BBS9: variants seen among roughly 807,000 people sequenced by gnomAD.
The protein encoded by BBS9 is protein PTHB1.
BBS9 carries 89 observed loss-of-function variants against 117.7 expected under a neutral mutation model. The observed-to-expected ratio is 0.76, with a 90% confidence interval of 0.64 to 0.90. BBS9 has a LOEUF of 0.90. Ranked by LOEUF, BBS9 falls within the 40% of genes least tolerant of loss-of-function variation. The probability of loss-of-function intolerance (pLI) is 0.00; values close to 1 mark genes in which losing one functional copy is unlikely to be tolerated. For synonymous variants in BBS9, 379 were observed against 370.9 expected (o/e 1.02, Z -0.25); for missense variants, 982 against 1,042.2 (o/e 0.94, Z 0.80).
At chr7:33,417,431 C>G (rs1832186706) in intron 19 of BBS9, among the ~76,000 whole-genome samples, 1 of 152,220 alleles carries the variant, frequency 6.6e-6, no homozygotes, top group African/African-American at 2.4e-5. Context: ...GGCATTGCAA[C>G]TGACCTTAGT....
chr7:33,319,184 T>C (rs1811174484), intron 9 of BBS9, among the ~76,000 whole-genome samples: 1 of 150,454 alleles, frequency 6.6e-6, no homozygotes, highest in South Asian at 2.1e-4. Flanking sequence ...AAAAGAATAA[T>C]AGTCTCTAGT....
At chr7:33,537,026 T>C (rs1028332325) in intron 21 of BBS9, among the ~76,000 whole-genome samples, 14 of 152,054 alleles carry the variant, frequency 9.2e-5, no homozygotes, top group Non-Finnish European at 4.4e-5. Context: ...AAAAGTTTTT[T>C]TTGCAGAGAT....
At chr7:33,212,705 G>A (rs1583653271) in intron 5 of BBS9, among the ~76,000 whole-genome samples, 1 of 152,278 alleles carries the variant, frequency 6.6e-6, no homozygotes, top group Admixed American at 6.5e-5. Context: ...AGGCTTTCAG[G>A]TATTCAGAGG....
chr7:33,589,240 A>G (rs969741832), intron 21 of BBS9, among the ~76,000 whole-genome samples: 1 of 152,164 alleles, frequency 6.6e-6, no homozygotes, highest in African/African-American at 2.4e-5. Context: ...TTCCTATACA[A>G]TAACAGGCAG....
At chr7:33,285,543 C>T (rs1039427220) in intron 9 of BBS9, among the ~76,000 whole-genome samples, 10 of 152,104 alleles carry the variant, frequency 6.6e-5, no homozygotes, top group African/African-American at 1.9e-4. Context: ...TGATGGTCAT[C>T]GTTACATGCA....
intron 9 of BBS9, among the ~76,000 whole-genome samples, chr7:33,295,282 A>G (rs1404958443): frequency 1.3e-5 from 2 of 152,094 alleles, no homozygotes; most frequent in African/African-American, 4.8e-5. Flanking sequence ...AATGGTATTT[A>G]TACACAATTT....
In BBS9 at chr7:33,543,309, GT is replaced by G. The variant is rs57654727; in HGVS notation, c.2521+9143del. On this transcript the variant is annotated intron_variant, in intron 21 of 22. Coordinates refer to ENST00000242067, the MANE Select transcript of BBS9 (RefSeq NM_198428.3). ...CCTTAGCCCACTTTTTGATGGGATT[GT>G]TTTTTTTTTCTTAATGATTTGAGTT... Among the ~76,000 whole-genome samples, 5 of 148,066 alleles carry G rather than the reference GT, an allele frequency of 3.4e-5. No homozygotes were observed. The South Asian group carries it at 6.4e-4, about 19-fold the overall frequency.
chr7:33,199,047 C>G (rs1273628201), intron 5 of BBS9, among the ~76,000 whole-genome samples: 8 of 151,938 alleles, frequency 5.3e-5, no homozygotes, highest in Admixed American at 2.0e-4. Flanking sequence ...TTAGGCTATT[C>G]TTGAATTGAT....
At chr7:33,318,392 C>T (rs1035087461) in intron 9 of BBS9, among the ~76,000 whole-genome samples, 4 of 152,014 alleles carry the variant, frequency 2.6e-5, no homozygotes, top group South Asian at 2.1e-4. Flanking sequence ...TCCTCCTTTC[C>T]CAAGTCTCTC....
chr7:33,418,848 C>T (rs761909903), intron 19 of BBS9, among the ~76,000 whole-genome samples: 69 of 152,182 alleles, frequency 4.5e-4, no homozygotes, highest in Non-Finnish European at 8.5e-4. Flanking sequence ...ACACACAAAA[C>T]ATGCCAATCA....
intron 21 of BBS9, among the ~76,000 whole-genome samples, chr7:33,540,232 G>A (rs964077496): frequency 6.6e-6 from 1 of 152,304 alleles, no homozygotes; most frequent in Admixed American, 6.5e-5. Context: ...ACCATTTGGA[G>A]AGAAGAAATA....
rs36106860 is a variant in BBS9 at position 33,311,816 on chromosome 7, CAA to C, written c.1017-24614_1017-24613del. On this transcript the variant is annotated intron_variant, in intron 9 of 22. Coordinates refer to ENST00000242067, the MANE Select transcript of BBS9 (RefSeq NM_198428.3). ...TGGGCAACAGAGTGAGACTCCATCT[CAA>C]AAAAAAAAAAGTGTCTATATATTAA... Among the ~76,000 whole-genome samples the C allele has an allele frequency of 1.6e-3, 230 of 143,232 alleles. 1 individual carries two copies. The highest frequency in any genetic ancestry group is 5.6e-3 in the African/African-American group (219 of 39,020). The allele number at this position is 143,232 out of a possible 152,430, so 94.0% of individuals were successfully genotyped here.
intron 4 of BBS9, among the ~76,000 whole-genome samples, chr7:33,165,942 T>C (rs1795612592): frequency 1.3e-5 from 2 of 152,210 alleles, no homozygotes; most frequent in Admixed American, 6.5e-5. Flanking sequence ...TTTCAGCTTT[T>C]CTGCTCTGGT....
intron 5 of BBS9, among the ~76,000 whole-genome samples, chr7:33,186,943 G>C (rs1783234865): frequency 6.6e-6 from 1 of 152,138 alleles, no homozygotes; most frequent in Admixed American, 6.5e-5. Context: ...GATTTTAATA[G>C]ATTTAAGATA....
intron 19 of BBS9, among the ~76,000 whole-genome samples, chr7:33,477,130 A>G (rs1342738766): frequency 6.6e-6 from 1 of 152,206 alleles, no homozygotes; most frequent in African/African-American, 2.4e-5. Flanking sequence ...AGATGGTGAT[A>G]ATAAAGGTAA....
chr7:33,526,995 C>G (rs7805335), intron 20 of BBS9, among the ~76,000 whole-genome samples: 78,148 of 141,940 alleles, frequency 0.55, 22,531 homozygotes, highest in African/African-American at 0.73. Flanking sequence ...AGGTCTGTTG[C>G]AATACCCTGC....
At chr7:33,190,221 G>T (rs1238703464) in intron 5 of BBS9, among the ~76,000 whole-genome samples, 1 of 149,148 alleles carries the variant, frequency 6.7e-6, no homozygotes, top group Non-Finnish European at 1.5e-5. Context: ...CCGGGTTCAC[G>T]CCATTCTCCT....
intron 20 of BBS9, among the ~76,000 whole-genome samples, chr7:33,521,630 T>C (rs535820649): frequency 3.1e-4 from 1 of 3,204 alleles, no homozygotes; most frequent in African/African-American, 1.3e-3. Flanking sequence ...CAGTGCTTTA[T>C]TTTATAAAAA....
At chr7:33,250,933 G>T (rs559740398) in intron 5 of BBS9, among the ~76,000 whole-genome samples, 1 of 152,312 alleles carries the variant, frequency 6.6e-6, no homozygotes, top group African/African-American at 2.4e-5. Flanking sequence ...TTCAATAGAT[G>T]ACGTGTTCTA....
Sources: gnomAD v4.1 joint callset for allele counts (sites outside exome capture counted in the v4.1 genomes callset) on GRCh38, gnomAD v4.1.1 for gene constraint, MANE v1.5 for transcripts, NCBI Gene and HGNC (gene_info 2026-07-23, HGNC 2026-07-21) for gene names.